The following PCDHGA7 variants were observed in gnomAD, a reference collection of about 807,000 sequenced individuals.
PCDHGA7 encodes protocadherin gamma subfamily A, 7.
PCDHGA7 carries 44 observed loss-of-function variants against 58.3 expected under a neutral mutation model. The observed-to-expected ratio is 0.75, with a 90% confidence interval of 0.59 to 0.97. The LOEUF is 0.97. PCDHGA7 is among the 50% of genes least tolerant of loss of function. PCDHGA7 has a pLI of 0.00. For synonymous variants in PCDHGA7, 516 were observed against 504.2 expected, an observed-to-expected ratio of 1.02 and a Z score of -0.31; for missense variants, 1,266 against 1,188.7, an observed-to-expected ratio of 1.06 and a Z score of -0.96.
intron 1 of PCDHGA7, chr5:141,468,354 GA>G (rs910554966): frequency 7.0e-6 from 1 of 143,440 alleles, no homozygotes. Context: ...AAAAAAGAAA[GA>G]AAAAAGAAAT....
intron 1 of PCDHGA7, chr5:141,393,852 G>A (rs780721020): frequency 3.1e-6 from 5 of 1,614,004 alleles, no homozygotes; most frequent in South Asian, 1.1e-5. Flanking sequence ...TAGACCAGAA[G>A]TGATCATTAC....
intron 2 of PCDHGA7, among the ~76,000 whole-genome samples, chr5:141,497,622 C>G (rs1434147255): frequency 6.6e-6 from 1 of 151,538 alleles, no homozygotes; most frequent in African/African-American, 2.4e-5. Context: ...TCACTGCAAC[C>G]TCTGCCTGCC....
At position 141,490,664 on chromosome 5, in the gene PCDHGA7, C is replaced by T; in HGVS notation, c.2425-4143C>T. 6.2e-7 allele frequency: 1 copy of T among 1,614,212 alleles called. No homozygotes were observed. The highest frequency in any genetic ancestry group is 1.1e-5 in the South Asian group (1 of 91,084). On this transcript the variant is annotated intron_variant, in intron 1 of 3. Coordinates refer to ENST00000518325, the MANE Select transcript of PCDHGA7 (RefSeq NM_018920.4). The surrounding 1 kb of genome is among the most constrained non-coding windows in gnomAD (Gnocchi z 5.4). ...CGGCCTCCGGGCTCCCTTCTTTGCA[C>T]TGTGGCTGCCTCAGATCCAGACACT...
rs754728562 is a variant in PCDHGA7, at chr5:141,489,487, G to A, written c.2425-5320G>A. 6.2e-7 allele frequency: 1 copy of A among 1,613,942 alleles called. No individual in the cohort carries two copies. On this transcript the variant is annotated intron_variant, in intron 1 of 3. Coordinates refer to ENST00000518325, the MANE Select transcript of PCDHGA7 (RefSeq NM_018920.4). This position sits in a 1 kb window ranked among gnomAD's most constrained non-coding sequence, Gnocchi z 4.5. The stretch of plus-strand genomic sequence containing the variant: ...TTTTTCCCTGAGCTTGATGAGTGGT[G>A]CCCTGGCAGTGAATCAAAAGATTGA...
At chr5:141,425,110 C>T (rs1335909720) in intron 1 of PCDHGA7, among the ~76,000 whole-genome samples, 1 of 152,166 alleles carries the variant, frequency 6.6e-6, no homozygotes, top group East Asian at 1.9e-4. Context: ...CAGATGCCTA[C>T]ATTTTTCTTG....
chr5:141,421,965 C>T (rs775450008), intron 1 of PCDHGA7: 3 of 1,610,242 alleles, frequency 1.9e-6, no homozygotes, highest in Non-Finnish European at 2.5e-6. Context: ...TTACACAGTC[C>T]GTATATCGCG....
Position 141,512,574 on chromosome 5 carries a change from C to G in PCDHGA7, c.*1401C>G, listed in dbSNP as rs1429371202. 2 of 152,884 alleles carry G rather than the reference C, an allele frequency of 1.3e-5. No homozygotes were observed. Among genetic ancestry groups the G allele is most frequent in the South Asian group, 2.1e-4 (1 of 4,836 alleles). 9.5% of individuals were successfully genotyped at this position (152,884 alleles called of 1,614,324 possible). On this transcript the variant is annotated 3_prime_UTR_variant, in exon 4 of 4. Transcript: ENST00000518325. ...GTGCATAGACCTTCTTCTCCCACCC[C>G]CTTCTGCCCCTGGGTCCCCGGCCAT...
At chr5:141,497,553 T>C (rs2099777684) in intron 2 of PCDHGA7, among the ~76,000 whole-genome samples, 1 of 151,326 alleles carries the variant, frequency 6.6e-6, no homozygotes, top group South Asian at 2.1e-4. Context: ...TTTTTTTTTT[T>C]TTTTTAGACA....
intron 1 of PCDHGA7, chr5:141,417,544 C>A: frequency 3.2e-6 from 1 of 308,860 alleles, no homozygotes; most frequent in Non-Finnish European, 5.9e-6. Context: ...AAAAAAATTC[C>A]TTGAAAGAGG....
rs372168887 is a variant in PCDHGA7, at chr5:141,477,322, C to T, written c.2425-17485C>T. On this transcript the variant is annotated intron_variant, in intron 1 of 3. Transcript: ENST00000518325. The surrounding 1 kb of genome is among the most constrained non-coding windows in gnomAD (Gnocchi z 4.9). The stretch of plus-strand genomic sequence containing the variant: ...GTCTCCCTTTCAGCCTTACTTCTTC[C>T]CTCAAGAATTACTTCACTTTGAAAA... 17 of 1,614,050 alleles carry T rather than the reference C, an allele frequency of 1.1e-5. No homozygotes were observed. In the African/African-American group the frequency reaches 1.5e-4, roughly 14 times the overall value.
chr5:141,421,713 T>G, intron 1 of PCDHGA7: 1 of 1,613,932 alleles, frequency 6.2e-7, no homozygotes, highest in South Asian at 1.1e-5. Flanking sequence ...GGGATCCAGA[T>G]GTGGGCGTGA....
chr5:141,491,817 G>T lies in PCDHGA7; in HGVS notation c.2425-2990G>T. On this transcript the variant is annotated intron_variant, in intron 1 of 3. Transcript: ENST00000518325. The surrounding 1 kb of genome is among the most constrained non-coding windows in gnomAD (Gnocchi z 6.9). ...TCTCCGGCCGGCTTGGTCGCTGGCT[G>T]CGCTCCACCCGATTCTCGGGATCAT... 1.3e-6 allele frequency: 2 copies of T among 1,484,188 alleles called. No homozygotes were observed. The highest frequency in any genetic ancestry group is 1.8e-6 in the Non-Finnish European group (2 of 1,117,664). 91.9% of individuals were successfully genotyped at this position (1,484,188 alleles called of 1,614,324 possible).
At chr5:141,410,147 G>T in intron 1 of PCDHGA7, 1 of 1,612,952 alleles carries the variant, frequency 6.2e-7, no homozygotes, top group Non-Finnish European at 8.5e-7. Flanking sequence ...TGTGCGTGAC[G>T]GTGGACAGCC....
Position 141,491,287 on chromosome 5 carries a change from C to T in PCDHGA7, c.2425-3520C>T, listed in dbSNP as rs1562145447. 2 of 1,614,030 alleles carry T rather than the reference C, an allele frequency of 1.2e-6. No homozygotes were observed. Among genetic ancestry groups the T allele is most frequent in the Admixed American group, 1.7e-5 (1 of 60,032 alleles). On this transcript the variant is annotated intron_variant, in intron 1 of 3. Coordinates refer to ENST00000518325, the MANE Select transcript of PCDHGA7 (RefSeq NM_018920.4). The surrounding 1 kb of genome is among the most constrained non-coding windows in gnomAD (Gnocchi z 6.9). ...GCCCAAATCCAGTGACTTCCTCATA[C>T]ACCCTCCTGAGCGTTCAGACCTTAC... is the stretch of plus-strand genomic sequence containing the variant.
intron 1 of PCDHGA7, chr5:141,420,411 T>C: frequency 8.1e-7 from 1 of 1,229,398 alleles, no homozygotes; most frequent in Non-Finnish European, 1.1e-6. Context: ...ATGGTTATCA[T>C]TATTAAAACA....
At chr5:141,396,764 T>C (rs1040059955) in intron 1 of PCDHGA7, 1 of 152,236 alleles carries the variant, frequency 6.6e-6, no homozygotes, top group Non-Finnish European at 1.5e-5. Context: ...CCAATAAATG[T>C]TTGTTATTAA....
intron 1 of PCDHGA7, among the ~76,000 whole-genome samples, chr5:141,470,385 T>C (rs1278833959): frequency 1.3e-5 from 2 of 152,206 alleles, no homozygotes; most frequent in Non-Finnish European, 2.9e-5. Flanking sequence ...GACTACTCGA[T>C]GATATTTAGG....
intron 1 of PCDHGA7, chr5:141,410,045 G>A (rs962300160): frequency 1.9e-6 from 3 of 1,613,048 alleles, no homozygotes; most frequent in African/African-American, 1.3e-5. Context: ...CAGTGAGCCC[G>A]GACTCTTCAG....
chr5:141,473,235 C>T (rs1322325327), intron 1 of PCDHGA7, among the ~76,000 whole-genome samples: 1 of 152,132 alleles, frequency 6.6e-6, no homozygotes, highest in Non-Finnish European at 1.5e-5. Flanking sequence ...TGGATCCACA[C>T]AAGTGAATAC....
Sources: gnomAD v4.1 joint callset for allele counts (sites outside exome capture counted in the v4.1 genomes callset) on GRCh38, gnomAD v4.1.1 for gene constraint, Gnocchi (gnomAD v3.1) non-coding constraint, MANE v1.5 for transcripts, NCBI Gene and HGNC (gene_info 2026-07-23, HGNC 2026-07-21) for gene names.